ZNF567: variants seen among roughly 807,000 people sequenced by gnomAD.
The protein encoded by ZNF567 is zinc finger protein 567.
In ZNF567, 36 loss-of-function variants were observed where a neutral mutation model predicts 53.9. That is an observed-to-expected ratio of 0.67 (90% CI 0.51 to 0.88). The LOEUF is 0.88. Ranked by LOEUF, ZNF567 falls within the 40% of genes least tolerant of loss-of-function variation. The probability of loss-of-function intolerance (pLI) is 0.00; values close to 1 mark genes in which losing one functional copy is unlikely to be tolerated. For synonymous variants in ZNF567, 224 were observed against 260.4 expected (o/e 0.86, Z 1.35); for missense variants, 619 against 764.7 (o/e 0.81, Z 2.25).
At chr19:36,691,863 G>A (rs139601285) in intron 2 of ZNF567, among the ~76,000 whole-genome samples, 6 of 152,226 alleles carry the variant, frequency 3.9e-5, no homozygotes, top group South Asian at 2.1e-4. Context: ...GCCCAGGCTG[G>A]TCTCGAACTC....
chr19:36,672,428 G>GGGT, the ZNF567 span, among the ~76,000 whole-genome samples: 1 of 152,102 alleles, frequency 6.6e-6, no homozygotes, highest in African/African-American at 2.4e-5. Context: ...TTTCATAATC[G>GGGT]GGTGTATAGG....
At chr19:36,667,077 T>G in the ZNF567 span, among the ~76,000 whole-genome samples, 1 of 152,126 alleles carries the variant, frequency 6.6e-6, no homozygotes, top group Admixed American at 6.5e-5. Flanking sequence ...GGGCTGTGGC[T>G]GAAGATAATT....
intron 2 of ZNF567, among the ~76,000 whole-genome samples, chr19:36,694,559 G>A (rs1452337525): frequency 1.3e-5 from 2 of 152,160 alleles, no homozygotes; most frequent in African/African-American, 2.4e-5. Context: ...GAGAGAAAAG[G>A]TAGTGCTTGA....
chr19:36,719,902 A>T lies in ZNF567; in HGVS notation c.1178A>T (p.Tyr393Phe), dbSNP rs1372382258. ...HQRIHTGEKP[Y>F]ICKECGKSFH... ...AGAATCCATACAGGTGAGAAACCCT[A>T]CATTTGTAAAGAATGTGGGAAGTCC... Residue 393 changes from tyrosine (Y) to phenylalanine (F), a missense_variant, in exon 6 of 6, where the codon TAC becomes TTC. Transcript: ENST00000682579. 6.2e-7 allele frequency: 1 copy of T among 1,606,240 alleles called. No individual in the cohort carries two copies. The highest frequency in any genetic ancestry group is 1.3e-5 in the African/African-American group (1 of 74,702).
upstream of ZNF567, among the ~76,000 whole-genome samples, chr19:36,685,149 A>G (rs1163106329): frequency 1.3e-5 from 2 of 152,136 alleles, no homozygotes; most frequent in Non-Finnish European, 2.9e-5. Flanking sequence ...TTATCCGGAC[A>G]TGGTGGTGGG....
the ZNF567 span, among the ~76,000 whole-genome samples, chr19:36,678,212 T>C: frequency 5.9e-5 from 9 of 152,248 alleles, 1 homozygote; most frequent in Middle Eastern, 6.8e-3. Context: ...TTTGAGAAAC[T>C]TTTCCCTCAG....
chr19:36,712,240 G>T lies in ZNF567; in HGVS notation c.10-146G>T, dbSNP rs770496431. On this transcript the variant is annotated intron_variant, in intron 3 of 5. Transcript: ENST00000682579. The stretch of plus-strand genomic sequence containing the variant: ...TTTTTGTATTTTTAGTAGACATGGG[G>T]TTTCACCATCTTGGCCAGGGTGGTT... 5.8e-6 allele frequency: 4 copies of T among 687,756 alleles called. No homozygotes were observed. In the African/African-American group the frequency reaches 7.3e-5, roughly 13 times the overall value. The allele number at this position is 687,756 out of a possible 1,614,324, so 42.6% of individuals were successfully genotyped here. A position where few individuals can be genotyped will look rare whatever the true frequency, so the allele number is the denominator to read the frequency against.
the ZNF567 span, among the ~76,000 whole-genome samples, chr19:36,672,244 G>A: frequency 6.6e-6 from 1 of 152,214 alleles, no homozygotes; most frequent in Admixed American, 6.5e-5. Context: ...ACCAACTCAT[G>A]CACTGTAGCC....
intron 3 of ZNF567, among the ~76,000 whole-genome samples, chr19:36,703,980 C>T (rs374559848): frequency 6.6e-6 from 1 of 152,208 alleles, no homozygotes; most frequent in Non-Finnish European, 1.5e-5. Context: ...GAGATGAACC[C>T]GGTACCTCAG....
chr19:36,684,817 A>G (rs1404444687), upstream of ZNF567, among the ~76,000 whole-genome samples: 1 of 152,192 alleles, frequency 6.6e-6, no homozygotes, highest in Admixed American at 6.5e-5. Flanking sequence ...AAGGATTAGG[A>G]TGATAACACT....
At chr19:36,675,362 G>A in the ZNF567 span, among the ~76,000 whole-genome samples, 2 of 151,798 alleles carry the variant, frequency 1.3e-5, no homozygotes, top group Non-Finnish European at 2.9e-5. Context: ...GAAACAGAAT[G>A]TGACCCCATC....
the ZNF567 span, among the ~76,000 whole-genome samples, chr19:36,679,974 A>AT: frequency 6.6e-6 from 1 of 152,168 alleles, no homozygotes; most frequent in African/African-American, 2.4e-5. Context: ...AAAAGATAGG[A>AT]TTTTATATGT....
chr19:36,689,236 A>AGTGTGTGTGTGTGT (rs59984347), intron 1 of ZNF567, among the ~76,000 whole-genome samples, 161 bp from the exon 2 acceptor site: 29 of 138,966 alleles, frequency 2.1e-4, no homozygotes, highest in African/African-American at 7.6e-4. Context: ...CCTATTTGAG[A>AGTGTGTGTGTGTGT]GTGTGTGTGT....
chr19:36,667,348 C>T, the ZNF567 span, among the ~76,000 whole-genome samples: 2 of 151,190 alleles, frequency 1.3e-5, no homozygotes, highest in Admixed American at 6.6e-5. Flanking sequence ...ACTAAAAATA[C>T]AAAATTAGCC....
chr19:36,718,300 C>T (rs941806859), intron 5 of ZNF567, among the ~76,000 whole-genome samples: 2 of 152,024 alleles, frequency 1.3e-5, no homozygotes, highest in Non-Finnish European at 2.9e-5. Context: ...GAGTTCGAGA[C>T]CAACCTGGCC....
intron 2 of ZNF567, among the ~76,000 whole-genome samples, chr19:36,694,515 G>A (rs887807052): frequency 6.6e-6 from 1 of 152,180 alleles, no homozygotes; most frequent in Admixed American, 6.5e-5. Context: ...ACGGAGAGCA[G>A]CTTGGAAGTA....
upstream of ZNF567, among the ~76,000 whole-genome samples, chr19:36,683,381 A>G (rs2038216458): frequency 6.6e-6 from 1 of 152,170 alleles, no homozygotes; most frequent in African/African-American, 2.4e-5. Flanking sequence ...AATAAATGGC[A>G]TATCTGCATT....
downstream of ZNF567, chr19:36,723,356 T>C: frequency 1.5e-6 from 1 of 659,814 alleles, no homozygotes; most frequent in Non-Finnish European, 2.7e-6. Context: ...CATCACTGCA[T>C]GTGCTGCCCT....
Position 36,694,896 on chromosome 19 carries a change from C to T in ZNF567, c.9+20C>T, listed in dbSNP as rs1469107567. The T allele has an allele frequency of 2.0e-6, 3 of 1,505,448 alleles. No homozygotes were observed. The highest frequency in any genetic ancestry group is 2.3e-5 in the Admixed American group (1 of 44,316). 93.3% of individuals were successfully genotyped at this position (1,505,448 alleles called of 1,614,324 possible). On this transcript the variant is annotated intron_variant, in intron 3 of 5. Coordinates refer to ENST00000682579, the MANE Select transcript of ZNF567 (RefSeq NM_001322917.1). ...GCTCAGGTAAGGCGATGGTTTCTCT[C>T]TCCTTTCTGAAAGTCTTTTTTTTTT...
Sources: allele counts gnomAD v4.1 joint callset (sites outside exome capture counted in the v4.1 genomes callset), GRCh38; gene constraint gnomAD v4.1.1; transcripts MANE v1.5; gene names NCBI Gene and HGNC (gene_info 2026-07-23, HGNC 2026-07-21).